CDK6: variants seen among roughly 807,000 people sequenced by gnomAD.
The protein encoded by CDK6 is cyclin-dependent kinase 6.
Under a neutral mutation model 37.1 loss-of-function variants are expected in CDK6, and 6 were observed. The observed-to-expected ratio is 0.16, with a 90% CI of 0.09 to 0.32. CDK6 has a LOEUF of 0.32. Among genes scored for constraint, CDK6 ranks in the 10% least tolerant of loss-of-function variants. CDK6 has a pLI of 1.00. For synonymous variants in CDK6, 160 were observed against 161.3 expected (o/e 0.99, Z 0.06); for missense variants, 224 against 418.9 (o/e 0.53, Z 4.06).
At chr7:92,668,655 T>C (rs559582602) in intron 5 of CDK6, among the ~76,000 whole-genome samples, 2 of 152,244 alleles carry the variant, frequency 1.3e-5, no homozygotes, top group South Asian at 4.1e-4. Flanking sequence ...AATGAATGAG[T>C]CTGCTTTAAG....
At chr7:92,804,922 C>T (rs574908990) in intron 2 of CDK6, among the ~76,000 whole-genome samples, 15 of 152,250 alleles carry the variant, frequency 9.9e-5, no homozygotes, top group Non-Finnish European at 1.9e-4. Flanking sequence ...TGGTTCAAGA[C>T]CACTGCTGTA....
At chr7:92,672,002 G>A (rs1797081103) in intron 4 of CDK6, among the ~76,000 whole-genome samples, 1 of 151,040 alleles carries the variant, frequency 6.6e-6, no homozygotes, top group South Asian at 2.1e-4. Context: ...GTAGAGAAAG[G>A]GGTGAAGGAG....
intron 2 of CDK6, among the ~76,000 whole-genome samples, chr7:92,817,529 T>C (rs919877447): frequency 1.3e-5 from 2 of 151,904 alleles, no homozygotes; most frequent in African/African-American, 2.4e-5. Flanking sequence ...TAGGAAAACT[T>C]ACAGCTAACA....
intron 2 of CDK6, among the ~76,000 whole-genome samples, chr7:92,825,459 T>TGC (rs1801285409): frequency 6.8e-6 from 1 of 146,994 alleles, no homozygotes; most frequent in African/African-American, 2.5e-5. Flanking sequence ...TGCACATGCG[T>TGC]GCACACACAC....
chr7:92,726,420 GT>G (rs774986183), intron 3 of CDK6, among the ~76,000 whole-genome samples: 17 of 151,278 alleles, frequency 1.1e-4, no homozygotes, highest in African/African-American at 3.9e-4. Flanking sequence ...TTAACTGTTT[GT>G]TTTTTTTTAA....
rs185149135 is a variant in CDK6, at chr7:92,639,434, G to C, written c.648-16348C>G. 7.2e-4 allele frequency among the ~76,000 whole-genome samples: 110 copies of C among 152,236 alleles called. 1 individual carries two copies. Among genetic ancestry groups the C allele is most frequent in the East Asian group, 9.6e-4 (5 of 5,182 alleles). ...CTGACAAAAATAGTCTCAATTAAAC[G>C]CTATTCTCTTCCTTCAAGAAAAGCT... On this transcript the variant is annotated intron_variant, in intron 5 of 7. Transcript: ENST00000424848.
intron 2 of CDK6, among the ~76,000 whole-genome samples, chr7:92,816,073 T>G (rs1032110440): frequency 6.6e-5 from 10 of 152,120 alleles, no homozygotes; most frequent in African/African-American, 2.2e-4. Context: ...ACACATAACT[T>G]TACTGCCTGC....
intron 2 of CDK6, among the ~76,000 whole-genome samples, chr7:92,797,172 C>CTCCTACAGCCAAAATG (rs1800435975): frequency 6.6e-6 from 1 of 152,156 alleles, no homozygotes; most frequent in African/African-American, 2.4e-5. Flanking sequence ...GAAACTTCCT[C>CTCCTACAGCCAAAATG]TCCTACAGCC....
intron 2 of CDK6, among the ~76,000 whole-genome samples, chr7:92,781,702 C>T (rs1005915097): frequency 2.0e-5 from 3 of 152,136 alleles, no homozygotes; most frequent in Non-Finnish European, 2.9e-5. Flanking sequence ...CCATTCTCTT[C>T]AATGTTTGGA....
chr7:92,768,652 T>C (rs1156255041), intron 3 of CDK6, among the ~76,000 whole-genome samples: 1 of 152,214 alleles, frequency 6.6e-6, no homozygotes, highest in Admixed American at 6.5e-5. Flanking sequence ...AGAGTATTTG[T>C]TCTTTGAATT....
chr7:92,754,652 C>T (rs1042915333), intron 3 of CDK6, among the ~76,000 whole-genome samples: 3 of 152,208 alleles, frequency 2.0e-5, no homozygotes, highest in Non-Finnish European at 4.4e-5. Context: ...ATAACAGCAG[C>T]TTAATTCAAT....
intron 3 of CDK6, among the ~76,000 whole-genome samples, chr7:92,730,141 T>C (rs993136341): frequency 2.0e-4 from 30 of 152,230 alleles, no homozygotes; most frequent in African/African-American, 7.0e-4. Context: ...CAACTTTAAA[T>C]AGACAATTCT....
chr7:92,708,675 G>GA (rs992098617), intron 4 of CDK6, among the ~76,000 whole-genome samples: 2 of 151,454 alleles, frequency 1.3e-5, no homozygotes, highest in African/African-American at 4.8e-5. Flanking sequence ...GTTTGTAAAA[G>GA]AAAAAAAAGT....
chr7:92,807,009 T>C (rs550364949), intron 2 of CDK6, among the ~76,000 whole-genome samples: 7 of 152,330 alleles, frequency 4.6e-5, no homozygotes, highest in African/African-American at 1.7e-4. Context: ...ACTGAAGTTG[T>C]AGCTTATACC....
chr7:92,660,783 T>G (rs878976024), intron 5 of CDK6, among the ~76,000 whole-genome samples: 2 of 151,966 alleles, frequency 1.3e-5, no homozygotes, highest in Admixed American at 1.3e-4. Context: ...AGGACCCAGC[T>G]GGGGGGCTGC....
chr7:92,746,177 GATTATTTCCATTTTTTCCATT>G (rs1436115736), intron 3 of CDK6, among the ~76,000 whole-genome samples: 15 of 152,058 alleles, frequency 9.9e-5, no homozygotes, highest in Admixed American at 2.6e-4. Context: ...AATGAACTTA[GATTATTTCCATTTTTTCCATT>G]ATAATTAATG....
intron 5 of CDK6, among the ~76,000 whole-genome samples, chr7:92,640,713 C>T (rs1409753227): frequency 3.3e-5 from 5 of 152,162 alleles, no homozygotes; most frequent in Non-Finnish European, 7.3e-5. Flanking sequence ...ATTTAATACA[C>T]CCCTGGAGGG....
At chr7:92,667,204 G>A (rs975124247) in intron 5 of CDK6, among the ~76,000 whole-genome samples, 2 of 152,128 alleles carry the variant, frequency 1.3e-5, no homozygotes, top group Non-Finnish European at 2.9e-5. Flanking sequence ...ATGTTTTTGT[G>A]TTTATTTATT....
intron 2 of CDK6, among the ~76,000 whole-genome samples, chr7:92,800,298 C>T (rs1800535669): frequency 6.6e-6 from 1 of 152,200 alleles, no homozygotes; most frequent in Non-Finnish European, 1.5e-5. Context: ...CTCTTCTCCT[C>T]ACACTGTGGT....
Sources: allele counts gnomAD v4.1 joint callset (sites outside exome capture counted in the v4.1 genomes callset), GRCh38; gene constraint gnomAD v4.1.1; transcripts MANE v1.5; gene names NCBI Gene and HGNC (gene_info 2026-07-23, HGNC 2026-07-21).